CAST: variants seen among roughly 807,000 people sequenced by gnomAD.
CAST encodes the protein calpastatin, also known as MIR583 host.
In CAST, 76 loss-of-function variants were observed where a neutral mutation model predicts 119.6. That is an observed-to-expected ratio of 0.64 (90% CI 0.53 to 0.77). The LOEUF (loss-of-function observed/expected upper bound fraction) is 0.77, where lower values mean the gene tolerates loss of function less well. Among genes scored for constraint, CAST ranks in the 30% least tolerant of loss-of-function variants. The probability of loss-of-function intolerance (pLI) is 0.00; values close to 1 mark genes in which losing one functional copy is unlikely to be tolerated. For missense variants in CAST, 953 were observed against 946.5 expected, an observed-to-expected ratio of 1.01 and a Z score of -0.09; for synonymous variants, 319 against 331.6, an observed-to-expected ratio of 0.96 and a Z score of 0.41.
the CAST span, among the ~76,000 whole-genome samples, chr5:96,488,872 C>A: frequency 6.6e-6 from 1 of 152,210 alleles, no homozygotes; most frequent in Admixed American, 6.5e-5. Context: ...CAAACTCTCT[C>A]TTTTTGAGGC....
chr5:96,429,886 A>G, the CAST span, among the ~76,000 whole-genome samples: 1 of 152,178 alleles, frequency 6.6e-6, no homozygotes, highest in Admixed American at 6.5e-5. Context: ...TTTTACACAC[A>G]TTGGAGGAAA....
chr5:96,264,355 T>A, the CAST span, among the ~76,000 whole-genome samples: 1 of 152,242 alleles, frequency 6.6e-6, no homozygotes, highest in Non-Finnish European at 1.5e-5. Context: ...CCATACTTAA[T>A]AACCCTTTCC....
intron 1 of CAST, among the ~76,000 whole-genome samples, chr5:96,610,281 C>A (rs116832327): frequency 6.6e-6 from 1 of 152,166 alleles, no homozygotes; most frequent in Non-Finnish European, 1.5e-5. Flanking sequence ...GCCAGTGGAA[C>A]CATAAGCCAA....
the CAST span, among the ~76,000 whole-genome samples, chr5:96,018,671 G>C: frequency 6.6e-6 from 1 of 152,246 alleles, no homozygotes; most frequent in Admixed American, 6.5e-5. Context: ...TTTTCAAGTA[G>C]AGAATGGAAC....
the CAST span, among the ~76,000 whole-genome samples, chr5:96,482,992 C>T: frequency 1.3e-5 from 2 of 152,096 alleles, no homozygotes; most frequent in African/African-American, 2.4e-5. Flanking sequence ...GCTCAGCCTA[C>T]AAAATAATAG....
chr5:96,546,093 G>A (rs1263078429), intron 1 of CAST: 1 of 152,180 alleles, frequency 6.6e-6, no homozygotes, highest in Admixed American at 6.5e-5. Flanking sequence ...CCACTGGGAG[G>A]ATTTTCCTTT....
At chr5:96,666,684 C>T (rs1749378553) in intron 1 of CAST, among the ~76,000 whole-genome samples, 1 of 152,200 alleles carries the variant, frequency 6.6e-6, no homozygotes, top group Non-Finnish European at 1.5e-5. Context: ...TGAATTAGTT[C>T]GCGCCCCATT....
At chr5:95,998,903 C>T in the CAST span, among the ~76,000 whole-genome samples, 1 of 152,136 alleles carries the variant, frequency 6.6e-6, no homozygotes. Context: ...CCCATGTTCT[C>T]ATTATCTGTT....
chr5:96,256,568 G>A, the CAST span, among the ~76,000 whole-genome samples: 2 of 149,634 alleles, frequency 1.3e-5, no homozygotes, highest in East Asian at 3.9e-4. Context: ...AATCTGTACA[G>A]CATGTTACTG....
the CAST span, among the ~76,000 whole-genome samples, chr5:96,437,577 T>C: frequency 6.6e-6 from 1 of 152,220 alleles, no homozygotes; most frequent in Non-Finnish European, 1.5e-5. Flanking sequence ...GACTTTAGTA[T>C]TGAAAAGTGA....
At chr5:96,357,007 T>C in the CAST span, among the ~76,000 whole-genome samples, 1 of 152,218 alleles carries the variant, frequency 6.6e-6, no homozygotes, top group African/African-American at 2.4e-5. Context: ...TCTCATTTCC[T>C]TGAGCAGTGG....
the CAST span, among the ~76,000 whole-genome samples, chr5:96,212,652 A>G: frequency 6.6e-6 from 1 of 152,096 alleles, no homozygotes; most frequent in African/African-American, 2.4e-5. Context: ...CTGCCTAGTT[A>G]TTATATCAAT....
chr5:96,212,642 C>A, the CAST span, among the ~76,000 whole-genome samples: 1 of 152,126 alleles, frequency 6.6e-6, no homozygotes, highest in African/African-American at 2.4e-5. Flanking sequence ...TGCTGATTTT[C>A]TGCCTAGTTA....
intron 1 of CAST, among the ~76,000 whole-genome samples, chr5:96,557,059 A>C (rs1047070013): frequency 2.0e-5 from 3 of 152,136 alleles, no homozygotes; most frequent in Non-Finnish European, 2.9e-5. Flanking sequence ...AATACTCAAC[A>C]TTCTTAAAGA....
chr5:96,493,203 T>A, the CAST span, among the ~76,000 whole-genome samples: 11 of 152,220 alleles, frequency 7.2e-5, no homozygotes, highest in African/African-American at 2.4e-4. Flanking sequence ...TGTAAAAATA[T>A]CTAACTCTGA....
the CAST span, among the ~76,000 whole-genome samples, chr5:96,321,268 T>C: frequency 2.0e-5 from 3 of 152,136 alleles, no homozygotes; most frequent in African/African-American, 7.2e-5. Context: ...ATCCTCCCAC[T>C]CCTCAGCCTC....
At chr5:96,316,522 C>T in the CAST span, among the ~76,000 whole-genome samples, 6 of 152,170 alleles carry the variant, frequency 3.9e-5, no homozygotes, top group Admixed American at 2.6e-4. Flanking sequence ...ATGGGAAGCA[C>T]GGCAAAACTG....
intron 1 of CAST, among the ~76,000 whole-genome samples, chr5:96,581,105 C>T (rs1191762171): frequency 1.3e-5 from 2 of 152,250 alleles, no homozygotes; most frequent in East Asian, 3.8e-4. Flanking sequence ...ACATTTTTTA[C>T]AGCAGCCTGA....
the CAST span, among the ~76,000 whole-genome samples, chr5:96,340,328 C>T: frequency 2.0e-5 from 3 of 152,248 alleles, no homozygotes; most frequent in East Asian, 1.9e-4. Flanking sequence ...ATGCTGAAAG[C>T]AGCTCGCCCC....
Sources: allele counts gnomAD v4.1 joint callset (sites outside exome capture counted in the v4.1 genomes callset), GRCh38; gene constraint gnomAD v4.1.1; transcripts MANE v1.5; gene names NCBI Gene and HGNC (gene_info 2026-07-23, HGNC 2026-07-21).